The following LMTK3 variants were observed in gnomAD, a reference collection of about 807,000 sequenced individuals.
LMTK3 encodes the protein lemur tail kinase 3.
Under a neutral mutation model 116.7 loss-of-function variants are expected in LMTK3, and 27 were observed. That is an observed-to-expected ratio of 0.23 (90% CI 0.17 to 0.32). The LOEUF (loss-of-function observed/expected upper bound fraction) is 0.32, where lower values mean the gene tolerates loss of function less well. Ranked by LOEUF, LMTK3 falls within the 10% of genes least tolerant of loss-of-function variation. The pLI, the probability that LMTK3 is intolerant of heterozygous loss-of-function variation, is 1.00. For missense variants in LMTK3, 1,764 were observed against 2,068.5 expected, an observed-to-expected ratio of 0.85 and a Z score of 2.86; for synonymous variants, 965 against 971.0, an observed-to-expected ratio of 0.99 and a Z score of 0.11.
Position 48,502,936 on chromosome 19 carries a change from A to T in LMTK3, c.618T>A (p.Phe206Leu), listed in dbSNP as rs1411523377. Residue 206 changes from phenylalanine (F) to leucine (L), a missense_variant, in exon 6 of 15, where the codon TTT (phenylalanine) becomes TTA (leucine). This residue lies in a region of LMTK3 where 271 missense variants were observed against 478.2 expected (regional missense o/e 0.57). Coordinates refer to ENST00000600059, the MANE Select transcript of LMTK3 (RefSeq NM_001388485.1). ...CLGLCVETLP[F>L]LLIMEFCQLG... ...GTTGACAGAACTCCATAATCAGCAG[A>T]AACGGCAGCGTCTCCACGCACAGAC... is the stretch of plus-strand genomic sequence containing the variant. 6.2e-7 allele frequency: 1 copy of T among 1,613,134 alleles called. No individual in the cohort carries two copies. The highest frequency in any genetic ancestry group is 8.5e-7 in the Non-Finnish European group (1 of 1,179,490).
chr19:48,508,006 C>A (rs1408369001), intron 5 of LMTK3, among the ~76,000 whole-genome samples: 1 of 152,090 alleles, frequency 6.6e-6, no homozygotes, highest in Non-Finnish European at 1.5e-5. Flanking sequence ...GCCCCATCCA[C>A]ACCTGGGGAT....
At chr19:48,509,211 C>T (rs999909108) in intron 4 of LMTK3, among the ~76,000 whole-genome samples, 1 of 141,248 alleles carries the variant, frequency 7.1e-6, no homozygotes, top group African/African-American at 2.5e-5. Context: ...CCGGGTGGCG[C>T]GGCGGAGTGG....
At chr19:48,502,667 C>A in intron 6 of LMTK3, 86 bp from the exon 7 acceptor site, 2 of 1,417,594 alleles carry the variant, frequency 1.4e-6, no homozygotes, top group Non-Finnish European at 1.9e-6. Flanking sequence ...CTTCTGCTGT[C>A]ACTGGGTAGC....
At chr19:48,508,802 C>G (rs11672537) in intron 5 of LMTK3, 49 bp downstream of exon 5, 1 of 1,410,566 alleles carries the variant, frequency 7.1e-7, no homozygotes, top group Non-Finnish European at 1.0e-6. Context: ...CCTTCCACTC[C>G]TGAATGTCAC....
intron 5 of LMTK3, among the ~76,000 whole-genome samples, chr19:48,508,039 G>C (rs1405063346): frequency 6.6e-6 from 1 of 152,124 alleles, no homozygotes; most frequent in Non-Finnish European, 1.5e-5. Context: ...ATATTCTAGA[G>C]AGGATATAGC....
rs1251948159 is a variant in LMTK3 at position 48,510,141 on chromosome 19, G to A, written c.243C>T (p.Ser81=). ...CCTCCGCAGGGGGAGTGTACTCCCCGGAGCAGTCCTCCCCTTCAGGGTTCT... is the reference window on the plus strand; with the variant it reads ...CCTCCGCAGGGGGAGTGTACTCCCCAGAGCAGTCCTCCCCTTCAGGGTTCT... ...EFENPEGEDC[S]GEYTPPAEET... Residue 81 remains serine, a synonymous_variant, in exon 3 of 15, where the codon TCC becomes TCT. Coordinates refer to ENST00000600059, the MANE Select transcript of LMTK3 (RefSeq NM_001388485.1). 6 of 1,613,686 alleles carry A rather than the reference G, an allele frequency of 3.7e-6. No individual in the cohort carries two copies. The Admixed American group carries it at 5.0e-5, about 13-fold the overall frequency.
At position 48,491,574 on chromosome 19, in the gene LMTK3, C is replaced by T; in HGVS notation, c.4093-35G>A. On this transcript the variant is annotated intron_variant, in intron 12 of 14. Transcript: ENST00000600059. This position sits in a 1 kb window ranked among gnomAD's most constrained non-coding sequence, Gnocchi z 5.1. ...CAGATTAGGGGGAAGCCAGAGGGGA[C>T]AAACCTTCACGTCCCATTTACCGCA... is the stretch of plus-strand genomic sequence containing the variant. The T allele has an allele frequency of 7.6e-7, 1 of 1,319,084 alleles. No homozygotes were observed. Among genetic ancestry groups the T allele is most frequent in the Non-Finnish European group, 9.7e-7 (1 of 1,025,842 alleles). The allele number at this position is 1,319,084 out of a possible 1,614,324, so 81.7% of individuals were successfully genotyped here.
rs745521964 is a variant in LMTK3 at position 48,491,062 on chromosome 19, G to T, written c.4366+46C>A. On this transcript the variant is annotated intron_variant, in intron 14 of 14. Transcript: ENST00000600059. This position sits in a 1 kb window ranked among gnomAD's most constrained non-coding sequence, Gnocchi z 5.1. ...CAAGAAGTTGGCAGTGGAACATAGG[G>T]GGACAGAGATGGGCAGAGGAGGGGG... 4 of 1,266,530 alleles carry T rather than the reference G, an allele frequency of 3.2e-6. No individual in the cohort carries two copies. In the East Asian group the frequency reaches 9.1e-5, roughly 29 times the overall value. The allele number at this position is 1,266,530 out of a possible 1,614,324, so 78.5% of individuals were successfully genotyped here.
rs1167649752 is a variant in LMTK3 at position 48,497,862 on chromosome 19, C to T, written c.3207G>A (p.Glu1069=). 2 of 1,436,514 alleles carry T rather than the reference C, an allele frequency of 1.4e-6. No individual in the cohort carries two copies. Among genetic ancestry groups the T allele is most frequent in the African/African-American group, 1.4e-5 (1 of 69,612 alleles). 89.0% of individuals were successfully genotyped at this position (1,436,514 alleles called of 1,614,324 possible). ...CTGGGCCAAGGGGGCCAGGGGCTGT[C>T]TCCCCGCCGTTCCGGGAGGAGACCA... The part of the protein sequence containing the change: ...SAVVSSRNGG[E]TAPGPLGPAP... Residue 1069 remains glutamate (E), a synonymous_variant, in exon 11 of 15, where the codon GAG becomes GAA. Coordinates refer to ENST00000600059, the MANE Select transcript of LMTK3 (RefSeq NM_001388485.1). The surrounding 1 kb of genome is among the most constrained non-coding windows in gnomAD (Gnocchi z 5.7).
rs919899855 is a variant in LMTK3 at position 48,491,882 on chromosome 19, C to A, written c.4093-343G>T. On this transcript the variant is annotated intron_variant, in intron 12 of 14. Coordinates refer to ENST00000600059, the MANE Select transcript of LMTK3 (RefSeq NM_001388485.1). The surrounding 1 kb of genome is among the most constrained non-coding windows in gnomAD (Gnocchi z 5.1). Reference sequence around the variant, plus strand: ...ATCTCCATAAGCCCCACCCCGTCCACGTCAGTCCCACCCACCTCTGAGATC... The same window carrying A: ...ATCTCCATAAGCCCCACCCCGTCCAAGTCAGTCCCACCCACCTCTGAGATC... Among the ~76,000 whole-genome samples, 3 of 152,058 alleles carry A rather than the reference C, an allele frequency of 2.0e-5. No homozygotes were observed. The highest frequency in any genetic ancestry group is 2.9e-5 in the Non-Finnish European group (2 of 68,022).
In LMTK3 at chr19:48,499,425, A is replaced by T. The variant is rs1174271018; in HGVS notation, c.1644T>A (p.Pro548=). Residue 548 remains proline (P), a synonymous_variant, in exon 11 of 15, where the codon CCT becomes CCA. Transcript: ENST00000600059. ...AGTCGTTGGGGAAGAGGGGCTCAGGAGGGGAGCCGTGCTCCTCCAAGCGGA... is the reference window on the plus strand; with the variant it reads ...AGTCGTTGGGGAAGAGGGGCTCAGGTGGGGAGCCGTGCTCCTCCAAGCGGA... The part of the protein sequence containing the change: ...YYIRLEEHGS[P]PEPLFPNDWD... 1 of 1,458,978 alleles carries T rather than the reference A, an allele frequency of 6.9e-7. No individual in the cohort carries two copies. The highest frequency in any genetic ancestry group is 2.8e-5 in the Admixed American group (1 of 35,862). The allele number at this position is 1,458,978 out of a possible 1,614,324, so 90.4% of individuals were successfully genotyped here. A position where few individuals can be genotyped will look rare whatever the true frequency, so the allele number is the denominator to read the frequency against.
chr19:48,511,389 G>C, intron 1 of LMTK3, 112 bp downstream of exon 1: 1 of 451,268 alleles, frequency 2.2e-6, no homozygotes, highest in Non-Finnish European at 3.7e-6. Context: ...TGGGCTGCGG[G>C]AAGACGCGCA....
intron 4 of LMTK3, 150 bp downstream of exon 4, chr19:48,509,287 A>T: frequency 1.4e-6 from 1 of 690,928 alleles, no homozygotes; most frequent in Non-Finnish European, 2.5e-6. Context: ...GGAGCCGGTG[A>T]GAGGTGGACG....
At position 48,498,119 on chromosome 19, in the gene LMTK3, C is replaced by A. The variant is rs1972370549; in HGVS notation, c.2950G>T (p.Ala984Ser). The A allele has an allele frequency of 6.2e-7, 1 of 1,613,308 alleles. No homozygotes were observed. Among genetic ancestry groups the A allele is most frequent in the African/African-American group, 1.3e-5 (1 of 74,830 alleles). ...LENGELRSPE[A>S]GEKVLVNGGL... ...CCATTCACCAGCACCTTCTCCCCGG[C>A]CTCTGGGGACCTCAGCTCCCCATTC... The change falls in exon 11 of 15, where the codon GCC becomes TCC. Residue 984 changes from alanine to serine, a missense_variant. By Grantham distance (99) the Ala-to-Ser change is moderately conservative (BLOSUM62 1). Transcript: ENST00000600059.
chr19:48,493,642 C>A, intron 12 of LMTK3, 52 bp downstream of exon 12: 1 of 1,516,948 alleles, frequency 6.6e-7, no homozygotes, highest in Non-Finnish European at 8.9e-7. Context: ...GCTCTAGGCT[C>A]CTGCTCCCTC....
chr19:48,506,427 C>A (rs1285399653), intron 5 of LMTK3, among the ~76,000 whole-genome samples: 1 of 152,128 alleles, frequency 6.6e-6, no homozygotes, highest in Non-Finnish European at 1.5e-5. Flanking sequence ...TGGAGGTCTG[C>A]AGGAGGATGA....
rs960816411 is a variant in LMTK3, at chr19:48,493,857, G to C, written c.3929C>G (p.Pro1310Arg). Reference protein sequence around the residue: ...PRGPGRARAAPVPVVVSSADA... With the variant: ...PRGPGRARAARVPVVVSSADA... Reference sequence around the variant, plus strand: ...GGCGCTGCTCACCACGACGGGCACCGGGGCTGCTCGCGCCCTCCCGGGGCC... The same window carrying C: ...GGCGCTGCTCACCACGACGGGCACCCGGGCTGCTCGCGCCCTCCCGGGGCC... The change falls in exon 12 of 15, where the codon CCG becomes CGG. Residue 1310 changes from proline to arginine, a missense_variant. Physicochemically the swap from Pro to Arg is moderately radical, Grantham distance 103. Coordinates refer to ENST00000600059, the MANE Select transcript of LMTK3 (RefSeq NM_001388485.1). 1.6e-6 allele frequency: 2 copies of C among 1,241,654 alleles called. No individual in the cohort carries two copies. Among genetic ancestry groups the C allele is most frequent in the East Asian group, 3.3e-5 (1 of 30,604 alleles). The allele number at this position is 1,241,654 out of a possible 1,614,324, so 76.9% of individuals were successfully genotyped here.
intron 5 of LMTK3, among the ~76,000 whole-genome samples, chr19:48,504,996 C>T (rs1383997240): frequency 2.0e-5 from 3 of 152,018 alleles, no homozygotes; most frequent in African/African-American, 7.3e-5. Flanking sequence ...TCAACCCGGC[C>T]TCCCTGATGG....
intron 2 of LMTK3, 25 bp downstream of exon 2, chr19:48,510,434 A>G (rs199767167): frequency 3.8e-6 from 6 of 1,584,486 alleles, no homozygotes; most frequent in South Asian, 1.2e-5. Flanking sequence ...TTCCTCCCCA[A>G]GTTGAATCCC....
Sources: gnomAD v4.1 joint callset for allele counts (sites outside exome capture counted in the v4.1 genomes callset) on GRCh38, gnomAD v4.1.1 for gene constraint, gnomAD v4.1.1 regional missense constraint, Gnocchi (gnomAD v3.1) non-coding constraint, MANE v1.5 for transcripts, NCBI Gene and HGNC (gene_info 2026-07-23, HGNC 2026-07-21) for gene names.